The following KLC4 variants were observed in gnomAD, a reference collection of about 807,000 sequenced individuals.
KLC4 encodes kinesin-like protein 8.
Under a neutral mutation model 77.2 loss-of-function variants are expected in KLC4, and 49 were observed. The observed-to-expected ratio is 0.63, with a 90% CI of 0.50 to 0.80. KLC4 has a LOEUF of 0.80. Ranked by LOEUF, KLC4 falls within the 30% of genes least tolerant of loss-of-function variation. The pLI is 0.00. For missense variants in KLC4, 669 were observed against 793.5 expected, an observed-to-expected ratio of 0.84 and a Z score of 1.89; for synonymous variants, 274 against 314.5, an observed-to-expected ratio of 0.87 and a Z score of 1.36.
At chr6:43,062,669 A>C (rs551995071) in intron 2 of KLC4, 15 of 546,490 alleles carry the variant, frequency 2.7e-5, no homozygotes, top group Non-Finnish European at 4.9e-5. Context: ...GGCAGAAACG[A>C]GGCCAGTGAG....
intron 12 of KLC4, 91 bp from the exon 13 acceptor site, chr6:43,072,733 C>A: frequency 7.8e-7 from 1 of 1,284,356 alleles, no homozygotes; most frequent in Non-Finnish European, 1.1e-6. Flanking sequence ...AAAATGTTTT[C>A]CTTCCAGTGG....
chr6:43,068,297 C>T (rs907015154), intron 6 of KLC4, among the ~76,000 whole-genome samples: 1 of 150,458 alleles, frequency 6.6e-6, no homozygotes, highest in African/African-American at 2.5e-5. Flanking sequence ...CATGGTGAAA[C>T]CCCGTCTCTA....
chr6:43,070,233 T>C, intron 6 of KLC4, 121 bp from the exon 7 acceptor site: 2 of 654,958 alleles, frequency 3.1e-6, no homozygotes, highest in South Asian at 3.7e-5. Flanking sequence ...TCCAGGGTAG[T>C]AGACTTTGTC....
intron 4 of KLC4, 40 bp downstream of exon 4, chr6:43,065,741 CAGGAG>C: frequency 6.9e-7 from 1 of 1,457,216 alleles, no homozygotes; most frequent in Non-Finnish European, 9.6e-7. Flanking sequence ...AAAGGGGCAG[CAGGAG>C]GCTGGCCCTA....
chr6:43,060,304 TCATTCCCTTCCTGGGAGA>T (rs750284282), intron 1 of KLC4: 1 of 1,611,504 alleles, frequency 6.2e-7, no homozygotes, highest in South Asian at 1.1e-5. Context: ...TCTCTCTCTC[TCATTCCCTTCCTGGGAGA>T]CAGTAGCTCC....
chr6:43,060,126 C>G lies in KLC4; in HGVS notation c.-26+441C>G. ...CCGTTCAGCAGACCTCCCATTCTTT[C>G]CTGCATCATCGGGCATTGTGGAGGC... On this transcript the variant is annotated intron_variant, in intron 1 of 15. Transcript: ENST00000347162. 3 of 1,586,276 alleles carry G rather than the reference C, an allele frequency of 1.9e-6. No individual in the cohort carries two copies. The South Asian group carries it at 3.5e-5, about 18-fold the overall frequency.
chr6:43,071,222 A>T, intron 8 of KLC4, 53 bp from the exon 9 acceptor site: 2 of 976,638 alleles, frequency 2.0e-6, no homozygotes, highest in Admixed American at 2.4e-5. Flanking sequence ...AAAAAAAAAG[A>T]CCTTGCCTCC....
chr6:43,060,750 T>A, intron 1 of KLC4: 1 of 411,490 alleles, frequency 2.4e-6, no homozygotes, highest in Non-Finnish European at 3.4e-6. Context: ...GGCTTAGTTC[T>A]GCAGGTGATG....
At chr6:43,063,922 C>T (rs749515364) in intron 3 of KLC4, among the ~76,000 whole-genome samples, 6 of 152,074 alleles carry the variant, frequency 3.9e-5, no homozygotes, top group Non-Finnish European at 5.9e-5. Flanking sequence ...CTGCAGCCTC[C>T]GCCTCTGGCT....
rs201982643 is a variant in KLC4, at chr6:43,062,929, C to T, written c.271C>T (p.Leu91=). ...GLSEAQVMLA[L]ASHLSTVESE... ...TGTGCCCACCTAGGTGATGCTGGCT[C>T]TAGCCAGCCACCTGAGCACAGTGGA... Residue 91 remains leucine (L), a synonymous_variant, in exon 3 of 16, where the codon CTA becomes TTA. Transcript: ENST00000347162. 1.7e-4 allele frequency: 277 copies of T among 1,613,846 alleles called. 3 individuals are homozygous for T. The East Asian group carries it at 4.9e-3, about 29-fold the overall frequency.
At chr6:43,068,874 G>A (rs62417469) in intron 6 of KLC4, among the ~76,000 whole-genome samples, 6,303 of 151,874 alleles carry the variant, frequency 0.042, 258 homozygotes, top group Non-Finnish European at 0.055. Context: ...TTGGGAGGCC[G>A]AGGTGGTCGG....
chr6:43,062,849 G>A, intron 2 of KLC4, 68 bp from the exon 3 acceptor site: 2 of 1,354,368 alleles, frequency 1.5e-6, no homozygotes, highest in Non-Finnish European at 2.1e-6. Flanking sequence ...GTCCCAGTAG[G>A]CTCCCCTTCC....
intron 12 of KLC4, 100 bp downstream of exon 12, chr6:43,072,355 C>A: frequency 1.2e-6 from 1 of 868,950 alleles, no homozygotes; most frequent in South Asian, 1.4e-5. Context: ...AGCGGAAAGG[C>A]TGATGAAGCC....
chr6:43,065,516 C>T (rs867247493), intron 3 of KLC4, 104 bp from the exon 4 acceptor site: 1 of 745,198 alleles, frequency 1.3e-6, no homozygotes, highest in Non-Finnish European at 2.3e-6. Flanking sequence ...CAACAGTCTT[C>T]TCCTAGGTCC....
rs1308856141 is a variant in KLC4 at position 43,071,288 on chromosome 6, T to C, written c.1169T>C (p.Leu390Pro). ...RTKNNLASCY[L>P]KQGKYAEAET... ...TCTGTCCTCCAGGCTTCCTGTTACC[T>C]GAAACAGGGCAAATATGCTGAGGCT... Residue 390 changes from leucine to proline, a missense_variant, in exon 9 of 16, where the codon CTG becomes CCG. Transcript: ENST00000347162. The C allele has an allele frequency of 1.2e-6, 2 of 1,612,658 alleles. No homozygotes were observed. Among genetic ancestry groups the C allele is most frequent in the East Asian group, 2.2e-5 (1 of 44,878 alleles).
chr6:43,071,887 G>C lies in KLC4; in HGVS notation c.1344G>C (p.Glu448Asp). 1 of 1,612,322 alleles carries C rather than the reference G, an allele frequency of 6.2e-7. No individual in the cohort carries two copies. Among genetic ancestry groups the C allele is most frequent in the Non-Finnish European group, 8.5e-7 (1 of 1,179,702 alleles). Residue 448 changes from glutamate (E) to aspartate (D), a missense_variant, in exon 11 of 16, where the codon GAG becomes GAC. Glu to Asp is a conservative substitution (Grantham distance 45). Coordinates refer to ENST00000347162, the MANE Select transcript of KLC4 (RefSeq NM_201521.3). The stretch of plus-strand genomic sequence containing the variant: ...ATGAGGGTGGGACACCCTATGCTGA[G>C]TATGGAGGCTGGTACAAGGCCTGCA... ...RHHEGGTPYAEYGGWYKACKV... is the reference protein window; with the variant it reads ...RHHEGGTPYADYGGWYKACKV...
chr6:43,073,655 AAAAG>A (rs1247302566), intron 14 of KLC4: 2 of 561,956 alleles, frequency 3.6e-6, no homozygotes, highest in Non-Finnish European at 6.3e-6. Flanking sequence ...CTCAAAAAAA[AAAAG>A]AAAAAAAAAA....
intron 6 of KLC4, among the ~76,000 whole-genome samples, chr6:43,068,759 C>G (rs556511184): frequency 4.6e-5 from 7 of 151,196 alleles, no homozygotes; most frequent in African/African-American, 1.5e-4. Flanking sequence ...TGCAGCGAGC[C>G]GAGATCGCAC....
intron 6 of KLC4, 76 bp from the exon 7 acceptor site, chr6:43,070,278 G>A (rs1162042905): frequency 1.0e-6 from 1 of 952,926 alleles, no homozygotes; most frequent in African/African-American, 1.6e-5. Context: ...GGGCCCTGCT[G>A]GGAGGTGGGG....
Sources: gnomAD v4.1 joint callset for allele counts (sites outside exome capture counted in the v4.1 genomes callset) on GRCh38, gnomAD v4.1.1 for gene constraint, MANE v1.5 for transcripts, NCBI Gene and HGNC (gene_info 2026-07-23, HGNC 2026-07-21) for gene names.